TRPC5: variants seen among roughly 807,000 people sequenced by gnomAD.
TRPC5 encodes the protein transient receptor potential cation channel subfamily C member 5.
A neutral mutation model predicts 56.5 loss-of-function variants in TRPC5; 9 were observed. The ratio of observed to expected loss-of-function variants is 0.16; its 90% CI spans 0.10 to 0.28. The LOEUF is 0.28. TRPC5 is among the 10% of genes least tolerant of loss of function. The pLI is 1.00. For missense variants in TRPC5, 469 were observed against 748.9 expected (o/e 0.63, Z 4.36); for synonymous variants, 282 against 278.5 (o/e 1.01, Z -0.13).
chrX:112,005,193 A>G (rs1928803221), intron 1 of TRPC5, among the ~76,000 whole-genome samples: 1 of 111,117 alleles, frequency 9.0e-6, no homozygotes, highest in South Asian at 3.8e-4. Context: ...CATTATCCTT[A>G]GCAGACTGAC....
At chrX:111,996,130 A>C (rs1328966796) in intron 1 of TRPC5, among the ~76,000 whole-genome samples, 4 of 111,664 alleles carry the variant, frequency 3.6e-5, no homozygotes, top group African/African-American at 1.3e-4. Flanking sequence ...TAGTGCTATA[A>C]ATTTCCCTCT....
chrX:111,916,856 G>T (rs1238835432), intron 2 of TRPC5, among the ~76,000 whole-genome samples: 1 of 112,868 alleles, frequency 8.9e-6, no homozygotes, highest in Admixed American at 9.3e-5. Context: ...AACAAATTTG[G>T]CTCCAGTGAA....
intron 3 of TRPC5, among the ~76,000 whole-genome samples, chrX:111,908,397 A>T (rs1380000538): frequency 8.9e-6 from 1 of 111,979 alleles, no homozygotes; most frequent in Non-Finnish European, 1.9e-5. Context: ...CATTGCTAAG[A>T]TAATTTATCT....
chrX:111,790,158 C>T (rs986329363), intron 7 of TRPC5, among the ~76,000 whole-genome samples: 1 of 111,485 alleles, frequency 9.0e-6, no homozygotes, highest in Non-Finnish European at 1.9e-5. Context: ...TGGAACCAAC[C>T]CAAATGTCCA....
At chrX:111,895,852 T>C (rs1417712168) in intron 3 of TRPC5, 3 of 111,898 alleles carry the variant, frequency 2.7e-5, no homozygotes, top group Non-Finnish European at 5.6e-5. Flanking sequence ...TTTATTCTTA[T>C]GCATTTTAGA....
At chrX:111,809,835 T>C (rs1921641255) in intron 7 of TRPC5, among the ~76,000 whole-genome samples, 1 of 111,027 alleles carries the variant, frequency 9.0e-6, no homozygotes, top group South Asian at 3.8e-4. Context: ...AAGTATACAA[T>C]ACATTATTAT....
chrX:111,998,388 A>G (rs1277509839), intron 1 of TRPC5, among the ~76,000 whole-genome samples: 2 of 112,069 alleles, frequency 1.8e-5, no homozygotes, highest in African/African-American at 6.5e-5. Context: ...CTACCACCTC[A>G]AACTTATCAT....
chrX:111,964,822 A>C (rs1206779721), intron 1 of TRPC5, among the ~76,000 whole-genome samples: 1 of 111,783 alleles, frequency 8.9e-6, no homozygotes, highest in Non-Finnish European at 1.9e-5. Context: ...CTCCTGAAGG[A>C]AGCACTAAAC....
At chrX:111,927,151 A>T (rs962536955) in intron 2 of TRPC5, among the ~76,000 whole-genome samples, 3 of 112,134 alleles carry the variant, frequency 2.7e-5, no homozygotes, top group African/African-American at 9.7e-5. Flanking sequence ...GTGGGGAGCC[A>T]TCCTGTTCAT....
intron 1 of TRPC5, among the ~76,000 whole-genome samples, chrX:112,047,705 G>C (rs1930085703): frequency 8.9e-6 from 1 of 112,057 alleles, no homozygotes; most frequent in Non-Finnish European, 1.9e-5. Context: ...TTCCATATCA[G>C]CAAGAGAGTG....
intron 6 of TRPC5, among the ~76,000 whole-genome samples, chrX:111,838,104 A>G (rs1251060187): frequency 4.0e-5 from 4 of 100,379 alleles, no homozygotes; most frequent in Admixed American, 3.1e-4. Context: ...TAAATAATAA[A>G]CAAACAAAGA....
intron 7 of TRPC5, among the ~76,000 whole-genome samples, chrX:111,804,326 C>A (rs1235174098): frequency 8.9e-6 from 1 of 111,891 alleles, no homozygotes; most frequent in African/African-American, 3.3e-5. Flanking sequence ...ATTGACTTGG[C>A]AATGCTGGCT....
intron 1 of TRPC5, among the ~76,000 whole-genome samples, chrX:111,984,138 T>G (rs1322414586): frequency 9.0e-6 from 1 of 111,468 alleles, no homozygotes; most frequent in Non-Finnish European, 1.9e-5. Flanking sequence ...GGCTAAGAGC[T>G]GTTTCTCAAA....
intron 1 of TRPC5, among the ~76,000 whole-genome samples, chrX:112,020,669 G>A (rs182783417): frequency 1.2e-3 from 139 of 111,521 alleles, no homozygotes; most frequent in African/African-American, 4.4e-3. Context: ...GAAATCTCTG[G>A]GGTGTGACCG....
At chrX:111,944,726 A>G in intron 2 of TRPC5, among the ~76,000 whole-genome samples, 1 of 111,602 alleles carries the variant, frequency 9.0e-6, no homozygotes, top group Non-Finnish European at 1.9e-5. Flanking sequence ...CAGAAGAAAG[A>G]TACAGAGGAG....
intron 1 of TRPC5, among the ~76,000 whole-genome samples, chrX:112,070,977 C>CA (rs1173555567): frequency 2.7e-5 from 3 of 111,153 alleles, no homozygotes; most frequent in Non-Finnish European, 5.7e-5. Context: ...ATTTGATTCT[C>CA]AAAAAAATCC....
chrX:111,819,835 C>T (rs1000733776), intron 7 of TRPC5, among the ~76,000 whole-genome samples: 1 of 111,736 alleles, frequency 8.9e-6, no homozygotes, highest in South Asian at 3.8e-4. Flanking sequence ...CTTCCTTGCA[C>T]ATAGCAGACT....
intron 3 of TRPC5, among the ~76,000 whole-genome samples, chrX:111,875,517 T>C (rs1174803641): frequency 1.8e-5 from 2 of 108,548 alleles, no homozygotes; most frequent in Non-Finnish European, 3.8e-5. Context: ...GAAGTGTGTA[T>C]GTGTAGGGCC....
At chrX:112,042,931 G>A (rs192303497) in intron 1 of TRPC5, among the ~76,000 whole-genome samples, 2 of 110,433 alleles carry the variant, frequency 1.8e-5, no homozygotes, top group Admixed American at 1.9e-4. Context: ...AACTATTCTT[G>A]CCTCTTTTAT....
Sources: allele counts gnomAD v4.1 joint callset (sites outside exome capture counted in the v4.1 genomes callset), GRCh38; gene constraint gnomAD v4.1.1; transcripts MANE v1.5; gene names NCBI Gene and HGNC (gene_info 2026-07-23, HGNC 2026-07-21).